Variants in PACS1 observed in about 807,000 individuals in gnomAD.
PACS1 encodes phosphofurin acidic cluster sorting protein 1, also known as PACS-1.
In PACS1, 24 loss-of-function variants were observed where a neutral mutation model predicts 115.0. The observed-to-expected ratio is 0.21, with a 90% CI of 0.15 to 0.29. PACS1 has a LOEUF of 0.29. Among genes scored for constraint, PACS1 ranks in the 10% least tolerant of loss-of-function variants. PACS1 has a pLI of 1.00. For missense variants in PACS1, 838 were observed against 1,251.2 expected, an observed-to-expected ratio of 0.67 and a Z score of 4.98; for synonymous variants, 453 against 504.5, an observed-to-expected ratio of 0.90 and a Z score of 1.37.
chr11:66,153,235 A>G (rs778295088), intron 1 of PACS1, among the ~76,000 whole-genome samples: 2 of 152,148 alleles, frequency 1.3e-5, no homozygotes, highest in Non-Finnish European at 2.9e-5. Context: ...GGCTCAAGCT[A>G]TCATCCTGCT....
Position 66,235,479 on chromosome 11 carries a change from C to T in PACS1, c.2207+76C>T. The stretch of plus-strand genomic sequence containing the variant: ...GAATCTTGAGTCTTCCTTGCTTTCT[C>T]ACATTTTCCTTCTCCACATGCTATA... On this transcript the variant is annotated intron_variant, in intron 18 of 23. Coordinates refer to ENST00000320580, the MANE Select transcript of PACS1 (RefSeq NM_018026.4). This position sits in a 1 kb window ranked among gnomAD's most constrained non-coding sequence, Gnocchi z 5.6. 9.3e-7 allele frequency: 1 copy of T among 1,080,274 alleles called. No homozygotes were observed. The highest frequency in any genetic ancestry group is 1.4e-6 in the Non-Finnish European group (1 of 709,894). The allele number at this position is 1,080,274 out of a possible 1,614,324, so 66.9% of individuals were successfully genotyped here.
chr11:66,096,209 C>T (rs1862003), intron 1 of PACS1, among the ~76,000 whole-genome samples: 9 of 119,508 alleles, frequency 7.5e-5, no homozygotes, highest in African/African-American at 3.3e-4. Flanking sequence ...CTTTTTCTTT[C>T]TTTTTTTTTT....
chr11:66,124,049 G>C (rs1033320894), intron 1 of PACS1, among the ~76,000 whole-genome samples: 1 of 152,220 alleles, frequency 6.6e-6, no homozygotes, highest in South Asian at 2.1e-4. Context: ...CAGGCATTCT[G>C]CGCAGCTTTG....
intron 1 of PACS1, among the ~76,000 whole-genome samples, chr11:66,153,029 A>G (rs1271123450): frequency 6.6e-6 from 1 of 152,236 alleles, no homozygotes; most frequent in Non-Finnish European, 1.5e-5. Flanking sequence ...TAACTCATCT[A>G]CAGGAAGAAA....
chr11:66,081,705 A>C (rs1300922799), intron 1 of PACS1, among the ~76,000 whole-genome samples: 1 of 152,200 alleles, frequency 6.6e-6, no homozygotes, highest in Non-Finnish European at 1.5e-5. Flanking sequence ...CTTTGTTTTG[A>C]GCCAGCTTGA....
At chr11:66,214,032 CAAAAAAAAAAAAA>C (rs71036278) in intron 4 of PACS1, among the ~76,000 whole-genome samples, 817 of 43,046 alleles carry the variant, frequency 0.019, 17 homozygotes, top group Non-Finnish European at 0.024. Flanking sequence ...GACTCCATCT[CAAAAAAAAAAAAA>C]AAAAAAAAAA....
At position 66,128,227 on chromosome 11, in the gene PACS1, T is replaced by C. The variant is rs192044832; in HGVS notation, c.356+57385T>C. Among the ~76,000 whole-genome samples, 328 of 152,278 alleles carry C rather than the reference T, an allele frequency of 2.2e-3. 1 individual carries two copies. Among genetic ancestry groups the C allele is most frequent in the Admixed American group, 6.1e-3 (94 of 15,296 alleles). On this transcript the variant is annotated intron_variant, in intron 1 of 23. Coordinates refer to ENST00000320580, the MANE Select transcript of PACS1 (RefSeq NM_018026.4). ...ACTGATTATTTGATGGTATTAATGG[T>C]ATTAAGAAGTTTATTTTATAAAACA...
At chr11:66,196,082 G>C (rs1459326047) in intron 2 of PACS1, among the ~76,000 whole-genome samples, 1 of 152,064 alleles carries the variant, frequency 6.6e-6, no homozygotes, top group African/African-American at 2.4e-5. Context: ...AAGATAAAAG[G>C]GCTGGGCACA....
At chr11:66,139,370 A>G (rs1042544888) in intron 1 of PACS1, among the ~76,000 whole-genome samples, 1 of 152,162 alleles carries the variant, frequency 6.6e-6, no homozygotes, top group African/African-American at 2.4e-5. Flanking sequence ...TAAAATGTAT[A>G]ATTAAATTAT....
intron 2 of PACS1, among the ~76,000 whole-genome samples, chr11:66,202,859 C>T (rs1404478280): frequency 6.8e-6 from 1 of 146,834 alleles, no homozygotes. Context: ...AAGAAACATA[C>T]CTCAACACAA....
rs370020648 is a variant in PACS1, at chr11:66,217,396, A to G, written c.978+621A>G. 2.0e-4 allele frequency: 71 copies of G among 346,464 alleles called. 1 individual carries two copies. Among genetic ancestry groups the G allele is most frequent in the South Asian group, 1.4e-3 (65 of 47,018 alleles). The allele number at this position is 346,464 out of a possible 1,614,324, so 21.5% of individuals were successfully genotyped here. The stretch of plus-strand genomic sequence containing the variant: ...AACCTGAATTCCTAGGTGGTCTTTG[A>G]CAGATTCTGGAGTGCCTGCATGAAG... On this transcript the variant is annotated intron_variant, in intron 7 of 23. Transcript: ENST00000320580.
Position 66,162,387 on chromosome 11 carries a change from G to A in PACS1, c.357-31099G>A, listed in dbSNP as rs551796212. ...TCTGCCCACCTCGGCCTCCCAAAGT[G>A]CTGGGATTACAGGCCTGAGCCACCG... On this transcript the variant is annotated intron_variant, in intron 1 of 23. Coordinates refer to ENST00000320580, the MANE Select transcript of PACS1 (RefSeq NM_018026.4). 3.3e-5 allele frequency among the ~76,000 whole-genome samples: 5 copies of A among 152,270 alleles called. No individual in the cohort carries two copies. The South Asian group carries it at 1.0e-3, about 32-fold the overall frequency.
chr11:66,160,663 AT>A lies in PACS1; in HGVS notation c.357-32800del, dbSNP rs58145434. ...AGGCATGTGCCACCATGCCTGGCTG[AT>A]TTTTTTTTTTTTTTTTTTTTTTGGC... On this transcript the variant is annotated intron_variant, in intron 1 of 23. Transcript: ENST00000320580. Among the ~76,000 whole-genome samples, 235 of 116,192 alleles carry A rather than the reference AT, an allele frequency of 2.0e-3. 2 individuals carry two copies. Among genetic ancestry groups the A allele is most frequent in the African/African-American group, 5.2e-3 (148 of 28,724 alleles). The allele number at this position is 116,192 out of a possible 152,430, so 76.2% of individuals were successfully genotyped here.
chr11:66,199,219 G>A (rs1039601338), intron 2 of PACS1, among the ~76,000 whole-genome samples: 3 of 151,780 alleles, frequency 2.0e-5, no homozygotes, highest in Non-Finnish European at 4.4e-5. Flanking sequence ...GGAGGCTAAG[G>A]CAGGAGAATG....
intron 1 of PACS1, among the ~76,000 whole-genome samples, chr11:66,126,555 C>T (rs1858576800): frequency 6.6e-6 from 1 of 152,078 alleles, no homozygotes; most frequent in South Asian, 2.1e-4. Context: ...ATCATTTCCA[C>T]TGTATGTAAC....
At chr11:66,187,522 C>T (rs1445068490) in intron 1 of PACS1, among the ~76,000 whole-genome samples, 1 of 152,110 alleles carries the variant, frequency 6.6e-6, no homozygotes, top group Non-Finnish European at 1.5e-5. Flanking sequence ...ATGAGATTAA[C>T]TTTTTTAGCT....
At chr11:66,149,682 G>T (rs973819636) in intron 1 of PACS1, among the ~76,000 whole-genome samples, 1 of 87,236 alleles carries the variant, frequency 1.1e-5, no homozygotes, top group Admixed American at 1.0e-4. Context: ...TTGTGTTCGT[G>T]TGTGTGTGTG....
intron 4 of PACS1, 40 bp downstream of exon 4, chr11:66,211,299 C>A: frequency 1.2e-6 from 2 of 1,609,116 alleles, no homozygotes; most frequent in South Asian, 2.2e-5. Context: ...GCCTTTGAGT[C>A]ACAGAGCCCA....
At chr11:66,139,992 A>G (rs770036097) in intron 1 of PACS1, among the ~76,000 whole-genome samples, 3 of 152,228 alleles carry the variant, frequency 2.0e-5, no homozygotes, top group Non-Finnish European at 4.4e-5. Context: ...GCCAAACTAC[A>G]GGAGAAGGCC....
Sources: allele counts gnomAD v4.1 joint callset (sites outside exome capture counted in the v4.1 genomes callset), GRCh38; gene constraint gnomAD v4.1.1; non-coding constraint Gnocchi (gnomAD v3.1); transcripts MANE v1.5; gene names NCBI Gene and HGNC (gene_info 2026-07-23, HGNC 2026-07-21).